Variants in SPATA31H1 observed in about 807,000 individuals in gnomAD.
SPATA31H1 encodes spermatogenesis-associated protein 31H1.
At chr2:27,573,893 A>G in the SPATA31H1 span, 1 of 398,408 alleles carries the variant, frequency 2.5e-6, no homozygotes, top group African/African-American at 2.1e-5. Context: ...AATCATCTGA[A>G]TTGGCTCATC....
the SPATA31H1 span, chr2:27,567,382 AAGG>A: frequency 4.2e-6 from 2 of 480,496 alleles, no homozygotes; most frequent in African/African-American, 3.9e-5. Flanking sequence ...ACTGAAGTAC[AAGG>A]AGGAGTTGCT....
the SPATA31H1 span, chr2:27,573,644 C>G: frequency 2.5e-6 from 1 of 398,344 alleles, no homozygotes; most frequent in Admixed American, 4.4e-5. Flanking sequence ...CTATGGCATT[C>G]AAACCTGGGC....
the SPATA31H1 span, among the ~76,000 whole-genome samples, chr2:27,542,342 A>G: frequency 6.6e-6 from 1 of 151,914 alleles, no homozygotes; most frequent in African/African-American, 2.4e-5. Context: ...AGTTGCAGTG[A>G]GCCGAGATCA....
At chr2:27,539,101 CTTTT>C in the SPATA31H1 span, among the ~76,000 whole-genome samples, 38 of 94,626 alleles carry the variant, frequency 4.0e-4, no homozygotes, top group Middle Eastern at 6.3e-3. Context: ...TCATCATTTT[CTTTT>C]TTTTTTTTTT....
chr2:27,567,233 T>A, the SPATA31H1 span: 1 of 618,174 alleles, frequency 1.6e-6, no homozygotes, highest in Non-Finnish European at 2.9e-6. Flanking sequence ...GACCACGACT[T>A]CCAAGGTGGG....
chr2:27,581,935 A>C, the SPATA31H1 span: 1 of 1,469,296 alleles, frequency 6.8e-7, no homozygotes, highest in Non-Finnish European at 9.1e-7. Context: ...CCCTCAGAGA[A>C]AAGCCATCAC....
At chr2:27,552,887 T>C in the SPATA31H1 span, among the ~76,000 whole-genome samples, 1 of 152,100 alleles carries the variant, frequency 6.6e-6, no homozygotes, top group East Asian at 1.9e-4. Context: ...TTTCTTCTGG[T>C]TTCTTTCCGA....
the SPATA31H1 span, chr2:27,578,626 T>C: frequency 0.27 from 442,912 of 1,613,376 alleles, 65,269 homozygotes; most frequent in East Asian, 0.53. Flanking sequence ...CTTCAGGCTG[T>C]GAAATCTACA....
At chr2:27,576,021 T>A in the SPATA31H1 span, 1 of 398,302 alleles carries the variant, frequency 2.5e-6, no homozygotes, top group Non-Finnish European at 4.4e-6. Context: ...GACTCCAGGG[T>A]CAAAGCTTCT....
chr2:27,547,662 G>C, the SPATA31H1 span, among the ~76,000 whole-genome samples: 1 of 151,906 alleles, frequency 6.6e-6, no homozygotes, highest in Admixed American at 6.6e-5. Flanking sequence ...CTATGAGTGT[G>C]TTCATGTCTC....
At chr2:27,569,266 T>C in the SPATA31H1 span, 1 of 398,992 alleles carries the variant, frequency 2.5e-6, no homozygotes, top group East Asian at 3.6e-5. Context: ...CCCCATGATA[T>C]GAAGTTTGTT....
chr2:27,556,249 G>A, the SPATA31H1 span, among the ~76,000 whole-genome samples: 3 of 149,316 alleles, frequency 2.0e-5, no homozygotes, highest in Middle Eastern at 0.011. Context: ...TGCATCTAAG[G>A]CTTGCACCTT....
the SPATA31H1 span, among the ~76,000 whole-genome samples, chr2:27,555,861 C>T: frequency 5.9e-5 from 9 of 151,802 alleles, no homozygotes; most frequent in Non-Finnish European, 8.8e-5. Flanking sequence ...GGGCTGGGTG[C>T]GGTGGCTCAC....
chr2:27,538,056 G>A, the SPATA31H1 span, among the ~76,000 whole-genome samples: 74 of 152,270 alleles, frequency 4.9e-4, no homozygotes, highest in African/African-American at 1.7e-3. Flanking sequence ...CGTATTGGAT[G>A]TGTTTGAGGA....
At chr2:27,549,429 T>C in the SPATA31H1 span, among the ~76,000 whole-genome samples, 1 of 151,762 alleles carries the variant, frequency 6.6e-6, no homozygotes, top group Non-Finnish European at 1.5e-5. Context: ...CCTTGAACTT[T>C]TGGGCTCAAG....
the SPATA31H1 span, among the ~76,000 whole-genome samples, chr2:27,558,878 G>C: frequency 8.6e-6 from 1 of 115,676 alleles, no homozygotes; most frequent in Admixed American, 1.0e-4. Flanking sequence ...CTCGGCATCA[G>C]AGGGAGACCG....
At chr2:27,566,627 T>TA in the SPATA31H1 span, 12 of 579,828 alleles carry the variant, frequency 2.1e-5, no homozygotes, top group African/African-American at 1.9e-4. Flanking sequence ...GAAACTTTTT[T>TA]TTTTTTTCAA....
the SPATA31H1 span, chr2:27,575,698 C>G: frequency 1.5e-5 from 6 of 398,496 alleles, no homozygotes; most frequent in Non-Finnish European, 2.7e-5. The surrounding 1 kb of genome is among the most constrained non-coding windows in gnomAD (Gnocchi z 4.1). Flanking sequence ...TGTGGGCTAC[C>G]TTTGCAAGGT....
At chr2:27,577,573 T>G in the SPATA31H1 span, 1 of 1,614,146 alleles carries the variant, frequency 6.2e-7, no homozygotes, top group Non-Finnish European at 8.5e-7. This position sits in a 1 kb window ranked among gnomAD's most constrained non-coding sequence, Gnocchi z 4.5. Context: ...GAATCTGTGG[T>G]ATTGATTCCA....
Sources: allele counts gnomAD v4.1 joint callset (sites outside exome capture counted in the v4.1 genomes callset), GRCh38; gene constraint gnomAD v4.1.1; non-coding constraint Gnocchi (gnomAD v3.1); transcripts MANE v1.5; gene names NCBI Gene and HGNC (gene_info 2026-07-23, HGNC 2026-07-21).